Variants in NGF observed in about 807,000 individuals in gnomAD.
NGF encodes nerve growth factor.
Under a neutral mutation model 12.8 loss-of-function variants are expected in NGF, and 4 were observed. The observed-to-expected ratio is 0.31, with a 90% CI of 0.15 to 0.72. The LOEUF (loss-of-function observed/expected upper bound fraction) is 0.72. Among genes scored for constraint, NGF ranks in the 30% least tolerant of loss-of-function variants. The pLI is 0.69. For synonymous variants in NGF, 140 were observed against 130.0 expected, an observed-to-expected ratio of 1.08 and a Z score of -0.52; for missense variants, 283 against 330.8, an observed-to-expected ratio of 0.86 and a Z score of 1.12.
rs769190598 is a variant in NGF at position 115,286,188 on chromosome 1, G to A, written c.608C>T (p.Thr203Met). 2 of 1,614,050 alleles carry A rather than the reference G, an allele frequency of 1.2e-6. No individual in the cohort carries two copies. The highest frequency in any genetic ancestry group is 1.7e-5 in the Admixed American group (1 of 60,006). ...DSKHWNSYCT[T>M]THTFVKALTM... is the part of the protein sequence containing the mutation. Reference sequence around the variant, plus strand: ...CAGCGCCTTGACAAAGGTGTGAGTCGTGGTACAATATGAGTTCCAGTGCTT... The same window carrying A: ...CAGCGCCTTGACAAAGGTGTGAGTCATGGTACAATATGAGTTCCAGTGCTT... The change falls in exon 3 of 3, where the codon ACG (threonine) becomes ATG (methionine). Residue 203 changes from threonine (T) to methionine (M), a missense_variant. By Grantham distance (81) the Thr-to-Met change is moderately conservative. Around this residue, in one of 2 missense-constraint regions of NGF, gnomAD observed 132 missense variants for 189.2 expected, o/e 0.70. Transcript: ENST00000369512.
intron 1 of NGF, among the ~76,000 whole-genome samples, chr1:115,334,192 C>T (rs1655043598): frequency 6.6e-6 from 1 of 152,012 alleles, no homozygotes; most frequent in African/African-American, 2.4e-5. Context: ...ACAGCTTGGG[C>T]ACAGTTGTAT....
intron 1 of NGF, among the ~76,000 whole-genome samples, chr1:115,299,951 T>C (rs796154952): frequency 3.5e-4 from 53 of 152,330 alleles, no homozygotes; most frequent in African/African-American, 1.3e-3. Flanking sequence ...GGTTCGCATG[T>C]AATCATAACA....
At chr1:115,310,588 A>G (rs1035704313) in intron 1 of NGF, among the ~76,000 whole-genome samples, 1 of 152,142 alleles carries the variant, frequency 6.6e-6, no homozygotes, top group African/African-American at 2.4e-5. Context: ...CAGTCTTACC[A>G]TGTTGGACAG....
At chr1:115,315,547 G>A (rs568436831) in intron 1 of NGF, among the ~76,000 whole-genome samples, 23 of 152,252 alleles carry the variant, frequency 1.5e-4, no homozygotes, top group African/African-American at 5.3e-4. Context: ...CACTGAAGGA[G>A]GAACAGGATT....
chr1:115,295,061 C>A (rs1385206166), intron 1 of NGF, among the ~76,000 whole-genome samples: 2 of 152,184 alleles, frequency 1.3e-5, no homozygotes, highest in Non-Finnish European at 2.9e-5. Context: ...TCAAAAAAAT[C>A]TTCTCCCTGT....
At position 115,337,273 on chromosome 1, in the gene NGF, T is replaced by TG. The variant is rs1557950838; in HGVS notation, c.-137+930_-137+931insC. On this transcript the variant is annotated intron_variant, in intron 1 of 2. Transcript: ENST00000369512. The stretch of plus-strand genomic sequence containing the variant: ...TTTTTTTTGTTTTGTTTTTGTTTTT[T>TG]TTTTTTTTTTTTTTTTTTTTTTTTT... Among the ~76,000 whole-genome samples, 105 of 67,246 alleles carry TG rather than the reference T, an allele frequency of 1.6e-3. 7 individuals are homozygous for TG. Among genetic ancestry groups the TG allele is most frequent in the African/African-American group, 5.3e-3 (100 of 18,944 alleles). The allele number at this position is 67,246 out of a possible 152,430, so 44.1% of individuals were successfully genotyped here.
intron 1 of NGF, among the ~76,000 whole-genome samples, chr1:115,316,995 A>G (rs1393764394): frequency 6.6e-6 from 1 of 152,052 alleles, no homozygotes; most frequent in African/African-American, 2.4e-5. Context: ...AGAATTGTCC[A>G]TGGTATTCAA....
chr1:115,333,816 T>G (rs990933447), intron 1 of NGF, among the ~76,000 whole-genome samples: 1 of 151,278 alleles, frequency 6.6e-6, no homozygotes, highest in Admixed American at 6.6e-5. Flanking sequence ...CTCTTTTTCT[T>G]TCTTTCTCTC....
chr1:115,299,978 C>CA (rs1244355453), intron 1 of NGF, among the ~76,000 whole-genome samples: 14 of 152,188 alleles, frequency 9.2e-5, no homozygotes, highest in African/African-American at 3.4e-4. Context: ...ATGGAGTCTC[C>CA]AGGCTACTGC....
chr1:115,298,068 A>T (rs1217610272), intron 1 of NGF, among the ~76,000 whole-genome samples: 1 of 152,270 alleles, frequency 6.6e-6, no homozygotes, highest in Non-Finnish European at 1.5e-5. Flanking sequence ...TGGTCACATT[A>T]TAAGCCACAA....
At chr1:115,308,786 TGAA>T (rs1654266882) in intron 1 of NGF, among the ~76,000 whole-genome samples, 2 of 152,004 alleles carry the variant, frequency 1.3e-5, no homozygotes, top group African/African-American at 4.8e-5. Context: ...AGAGTGAAAA[TGAA>T]GAAGCACTTA....
intron 1 of NGF, among the ~76,000 whole-genome samples, chr1:115,317,331 AAGTT>A (rs1654499824): frequency 6.6e-6 from 1 of 152,168 alleles, no homozygotes; most frequent in African/African-American, 2.4e-5. Context: ...AGCCAATGGA[AAGTT>A]AGTCTGCAGA....
In NGF at chr1:115,286,041, G is replaced by A. The variant is rs1653485813; in HGVS notation, c.*29C>T. 1.2e-6 allele frequency: 2 copies of A among 1,611,420 alleles called. No individual in the cohort carries two copies. The highest frequency in any genetic ancestry group is 1.7e-6 in the Non-Finnish European group (2 of 1,178,984). On this transcript the variant is annotated 3_prime_UTR_variant, in exon 3 of 3. Transcript: ENST00000369512. ...GGGAGGGGCCCAGGAGAGTGTAGAA[G>A]GGGCAGGGGGAGGGAGCGTGTCGGC...
At chr1:115,328,401 A>C (rs575565581) in intron 1 of NGF, among the ~76,000 whole-genome samples, 41 of 152,318 alleles carry the variant, frequency 2.7e-4, no homozygotes, top group African/African-American at 9.6e-4. Flanking sequence ...GTCTGAGGTC[A>C]GTGATAGATT....
chr1:115,332,339 T>A (rs144028052), intron 1 of NGF, among the ~76,000 whole-genome samples: 3,269 of 152,320 alleles, frequency 0.021, 51 homozygotes, highest in Middle Eastern at 0.061. Context: ...AGATGAAATG[T>A]TTGGTTAAAA....
intron 1 of NGF, among the ~76,000 whole-genome samples, chr1:115,319,370 T>C (rs1654555417): frequency 1.3e-5 from 2 of 152,104 alleles, no homozygotes; most frequent in African/African-American, 4.8e-5. Flanking sequence ...CACAAACACA[T>C]GCTCATACAC....
chr1:115,323,734 T>G (rs1429975498), intron 1 of NGF, among the ~76,000 whole-genome samples: 1 of 152,206 alleles, frequency 6.6e-6, no homozygotes, highest in Admixed American at 6.5e-5. Flanking sequence ...TGTGTTACTT[T>G]AAAACTTTAA....
chr1:115,320,427 C>T (rs1423904740), intron 1 of NGF, among the ~76,000 whole-genome samples: 2 of 152,176 alleles, frequency 1.3e-5, no homozygotes, highest in Non-Finnish European at 2.9e-5. Flanking sequence ...ATAAGGTCTA[C>T]TTGAATACAA....
intron 1 of NGF, among the ~76,000 whole-genome samples, chr1:115,331,615 T>C (rs1183270587): frequency 6.6e-6 from 1 of 152,220 alleles, no homozygotes; most frequent in Non-Finnish European, 1.5e-5. Flanking sequence ...AAGTTTTGGC[T>C]TTTCTTGAAA....
Sources: allele counts gnomAD v4.1 joint callset (sites outside exome capture counted in the v4.1 genomes callset), GRCh38; gene constraint gnomAD v4.1.1; regional missense constraint gnomAD v4.1.1; transcripts MANE v1.5; gene names NCBI Gene and HGNC (gene_info 2026-07-23, HGNC 2026-07-21).